The following COL12A1 variants were observed in gnomAD, a reference collection of about 807,000 sequenced individuals.
COL12A1 encodes collagen alpha-1(XII) chain.
COL12A1 carries 114 observed loss-of-function variants against 349.7 expected under a neutral mutation model. The observed-to-expected ratio is 0.33, with a 90% CI of 0.28 to 0.38. The LOEUF is 0.38. Ranked by LOEUF, COL12A1 falls within the 10% of genes least tolerant of loss-of-function variation. COL12A1 has a pLI of 1.00. For missense variants in COL12A1, 3,284 were observed against 3,756.9 expected (o/e 0.87, Z 3.29); for synonymous variants, 1,369 against 1,329.0 (o/e 1.03, Z -0.66).
At chr6:75,205,579 T>C (rs551788113) in intron 1 of COL12A1, among the ~76,000 whole-genome samples, 198 bp downstream of exon 1, 52 of 152,116 alleles carry the variant, frequency 3.4e-4, no homozygotes, top group African/African-American at 1.2e-3. Context: ...AACATTCCCC[T>C]CTCCCTCAAA....
At chr6:75,086,869 TG>T (rs1169858860) in intron 65 of COL12A1, among the ~76,000 whole-genome samples, 4 of 152,014 alleles carry the variant, frequency 2.6e-5, no homozygotes, top group African/African-American at 9.7e-5. Context: ...ATGCACTATT[TG>T]AAAGTAGCAA....
At chr6:75,198,990 C>T (rs1359891011) in intron 2 of COL12A1, among the ~76,000 whole-genome samples, 1 of 152,174 alleles carries the variant, frequency 6.6e-6, no homozygotes, top group Non-Finnish European at 1.5e-5. Context: ...ATTAGCATAA[C>T]TTTAATTATC....
At position 75,161,508 on chromosome 6, in the gene COL12A1, G is replaced by A. The variant is rs541320181; in HGVS notation, c.2983+3999C>T. Reference sequence around the variant, plus strand: ...AAAATGAACATTTCATTCCTGCCACGTCTGCTCCTTGTTCAAAAGAGGCCT... The same window carrying A: ...AAAATGAACATTTCATTCCTGCCACATCTGCTCCTTGTTCAAAAGAGGCCT... On this transcript the variant is annotated intron_variant, in intron 14 of 65. Transcript: ENST00000322507. Among the ~76,000 whole-genome samples the A allele has an allele frequency of 1.1e-4, 17 of 152,126 alleles. No individual in the cohort carries two copies. The East Asian group carries it at 2.1e-3, about 19-fold the overall frequency.
chr6:75,164,202 T>C (rs943122501), intron 14 of COL12A1, among the ~76,000 whole-genome samples: 11 of 152,198 alleles, frequency 7.2e-5, no homozygotes, highest in Non-Finnish European at 1.0e-4. Context: ...TATAAAGAAG[T>C]TGATTTTTAA....
At chr6:75,127,037 T>C (rs1045169049) in intron 38 of COL12A1, among the ~76,000 whole-genome samples, 6 of 152,158 alleles carry the variant, frequency 3.9e-5, no homozygotes, top group Non-Finnish European at 7.4e-5. Context: ...AAGTAGTTGC[T>C]GAGTTTACTA....
At chr6:75,087,876 T>C in intron 64 of COL12A1, 129 bp from the exon 65 acceptor site, 1 of 1,010,956 alleles carries the variant, frequency 9.9e-7, no homozygotes, top group Non-Finnish European at 1.4e-6. Flanking sequence ...GGTAAGAAAA[T>C]GTTTCCTTAA....
intron 14 of COL12A1, among the ~76,000 whole-genome samples, chr6:75,162,720 AG>A (rs1768088743): frequency 6.6e-6 from 1 of 152,246 alleles, no homozygotes. Context: ...CAGAGTGAAC[AG>A]GCAACCTACA....
At chr6:75,188,103 G>C (rs1315454971) in intron 8 of COL12A1, among the ~76,000 whole-genome samples, 1 of 152,012 alleles carries the variant, frequency 6.6e-6, no homozygotes, top group Non-Finnish European at 1.5e-5. Flanking sequence ...TTAAAGAAAA[G>C]AGTAAATCAT....
intron 21 of COL12A1, among the ~76,000 whole-genome samples, chr6:75,150,767 C>T (rs576438683): frequency 2.0e-5 from 3 of 152,166 alleles, no homozygotes; most frequent in East Asian, 3.9e-4. Context: ...TCTTCCTACC[C>T]CTTCCCATTT....
rs1170428200 is a variant in COL12A1, at chr6:75,192,303, C to T, written c.243G>A (p.Leu81=). ...ACTCTGTTTCAGGTACAAGTTCTGA[C>T]AATAAAGTTTCAGTGGTACTAGCTG... ...TLSASTTETL[L]SELVPETEYV... is the part of the protein sequence containing the mutation. Residue 81 remains leucine, a synonymous_variant, in exon 4 of 66, where the codon TTG becomes TTA. Transcript: ENST00000322507. 1.2e-6 allele frequency: 2 copies of T among 1,611,664 alleles called. No individual in the cohort carries two copies. The highest frequency in any genetic ancestry group is 1.3e-5 in the African/African-American group (1 of 74,796).
At position 75,095,189 on chromosome 6, in the gene COL12A1, A is replaced by G; in HGVS notation, c.8578-10T>C. 1 of 1,609,728 alleles carries G rather than the reference A, an allele frequency of 6.2e-7. No homozygotes were observed. The highest frequency in any genetic ancestry group is 8.5e-7 in the Non-Finnish European group (1 of 1,176,470). On this transcript the variant is annotated splice_polypyrimidine_tract_variant and intron_variant, in intron 59 of 65. Coordinates refer to ENST00000322507, the MANE Select transcript of COL12A1 (RefSeq NM_004370.6). ...GGGAGCCTGGGCTTCCCTACAACAC[A>G]TGGAAAGGGAAGGGGACTGTTATGA...
At chr6:75,120,743 C>T (rs577865799) in intron 44 of COL12A1, among the ~76,000 whole-genome samples, 16 of 152,138 alleles carry the variant, frequency 1.1e-4, no homozygotes, top group African/African-American at 3.6e-4. Context: ...ATATAAACTT[C>T]TCTAAGTACT....
chr6:75,181,036 G>T lies in COL12A1; in HGVS notation c.2067C>A (p.Ser689Arg), dbSNP rs1321385720. The T allele has an allele frequency of 6.2e-7, 1 of 1,614,088 alleles. No individual in the cohort carries two copies. Residue 689 changes from serine (S) to arginine (R), a missense_variant, in exon 11 of 66, where the codon AGC becomes AGA. Physicochemically the swap from Ser to Arg is moderately radical, Grantham distance 110. Coordinates refer to ENST00000322507, the MANE Select transcript of COL12A1 (RefSeq NM_004370.6). ...AATACAAGGTCTCTGGCTTCAGGCT[G>T]CTGAGAACAACACTGGTGCTCGATG... is the stretch of plus-strand genomic sequence containing the variant. The part of the protein sequence containing the change: ...EPASSTSVVL[S>R]SLKPETLYLV...
At chr6:75,169,405 C>T (rs990463350) in intron 13 of COL12A1, among the ~76,000 whole-genome samples, 2 of 152,116 alleles carry the variant, frequency 1.3e-5, no homozygotes, top group Non-Finnish European at 2.9e-5. Flanking sequence ...TACTGCTCCT[C>T]AAAAGGGGAA....
chr6:75,148,518 T>C, intron 21 of COL12A1, 21 bp from the exon 22 acceptor site: 1 of 1,602,682 alleles, frequency 6.2e-7, no homozygotes, highest in Non-Finnish European at 8.5e-7. Flanking sequence ...AAATAAAGGG[T>C]ATACACTTTT....
At chr6:75,167,053 C>T (rs932310075) in intron 13 of COL12A1, among the ~76,000 whole-genome samples, 2 of 152,134 alleles carry the variant, frequency 1.3e-5, no homozygotes, top group African/African-American at 4.8e-5. Context: ...ACAAAGAATA[C>T]TTATTTTTAA....
In COL12A1 at chr6:75,086,210, A is replaced by G. The variant is rs1347942909; in HGVS notation, c.*337T>C. The G allele has an allele frequency of 6.2e-6, 1 of 161,736 alleles. No homozygotes were observed. The highest frequency in any genetic ancestry group is 1.3e-5 in the Non-Finnish European group (1 of 74,238). 10.0% of individuals were successfully genotyped at this position (161,736 alleles called of 1,614,324 possible). A position where few individuals can be genotyped will look rare whatever the true frequency, so the allele number is the denominator to read the frequency against. ...TAACCAGGTTAATTGTTTTTCTTAA[A>G]ATGGCATAGACTCCTCTGGTTAGTA... is the stretch of plus-strand genomic sequence containing the variant. On this transcript the variant is annotated 3_prime_UTR_variant, in exon 66 of 66. Transcript: ENST00000322507.
intron 56 of COL12A1, 31 bp downstream of exon 56, chr6:75,102,566 C>A: frequency 7.1e-7 from 1 of 1,415,794 alleles, no homozygotes; most frequent in Non-Finnish European, 9.4e-7. Context: ...ATCCACCACT[C>A]TCATTTAATA....
chr6:75,144,722 C>A (rs1201341374), intron 25 of COL12A1, among the ~76,000 whole-genome samples: 2 of 152,198 alleles, frequency 1.3e-5, no homozygotes, highest in Non-Finnish European at 2.9e-5. Flanking sequence ...GGAAGGAGTC[C>A]ATATGGTCTA....
Sources: allele counts gnomAD v4.1 joint callset (sites outside exome capture counted in the v4.1 genomes callset), GRCh38; gene constraint gnomAD v4.1.1; transcripts MANE v1.5; gene names NCBI Gene and HGNC (gene_info 2026-07-23, HGNC 2026-07-21).